Variants in DCDC1 observed in about 807,000 individuals in gnomAD.
The protein encoded by DCDC1 is doublecortin domain containing 1, also known as doublecortin domain-containing protein 1.
In DCDC1, 200 loss-of-function variants were observed where a neutral mutation model predicts 178.3. The ratio of observed to expected loss-of-function variants is 1.12; its 90% confidence interval spans 1.00 to 1.26. The LOEUF is 1.26. Ranked by LOEUF, DCDC1 falls within the 50% of genes most tolerant of loss-of-function variation. The probability of loss-of-function intolerance (pLI) is 0.00; values close to 1 mark genes in which losing one functional copy is unlikely to be tolerated. For synonymous variants in DCDC1, 690 were observed against 604.8 expected, an observed-to-expected ratio of 1.14 and a Z score of -2.07; for missense variants, 1,983 against 1,749.2, an observed-to-expected ratio of 1.13 and a Z score of -2.38.
chr11:30,869,518 G>A (rs1941336673), intron 38 of DCDC1, among the ~76,000 whole-genome samples: 1 of 152,158 alleles, frequency 6.6e-6, no homozygotes, highest in Admixed American at 6.5e-5. Context: ...ACACAATTCT[G>A]AACACCCTAC....
intron 1 of DCDC1, among the ~76,000 whole-genome samples, chr11:31,338,168 T>C (rs1950365252): frequency 2.6e-5 from 4 of 152,280 alleles, no homozygotes; most frequent in African/African-American, 9.6e-5. Context: ...AAAGGAACTT[T>C]TACAATTCCT....
At chr11:30,939,733 G>A (rs558621726) in intron 21 of DCDC1, among the ~76,000 whole-genome samples, 1 of 152,262 alleles carries the variant, frequency 6.6e-6, no homozygotes, top group South Asian at 2.1e-4. Flanking sequence ...AGGTACATGA[G>A]CTGAGCAGTT....
intron 9 of DCDC1, among the ~76,000 whole-genome samples, chr11:31,213,306 ATCATTGGTAAG>A (rs1488701535): frequency 6.6e-6 from 1 of 151,674 alleles, no homozygotes; most frequent in African/African-American, 2.4e-5. Context: ...ATTTAGCCTT[ATCATTGGTAAG>A]TAGAGACTGG....
At chr11:31,327,354 G>C (rs1412106699) in intron 3 of DCDC1, among the ~76,000 whole-genome samples, 1 of 151,998 alleles carries the variant, frequency 6.6e-6, no homozygotes, top group Non-Finnish European at 1.5e-5. Context: ...ATTTTCAGTA[G>C]AGATGGGGTT....
At chr11:31,186,057 GC>G (rs1399244123) in intron 9 of DCDC1, among the ~76,000 whole-genome samples, 2 of 152,104 alleles carry the variant, frequency 1.3e-5, no homozygotes, top group African/African-American at 4.8e-5. Flanking sequence ...CCCCAGAAGA[GC>G]CAGGGAGACC....
chr11:30,958,303 GA>G (rs1303537065), intron 20 of DCDC1, among the ~76,000 whole-genome samples: 2 of 152,142 alleles, frequency 1.3e-5, no homozygotes, highest in Non-Finnish European at 2.9e-5. Flanking sequence ...ATGCCTACCA[GA>G]GAGCATCTAT....
chr11:31,237,812 C>G (rs532706029), intron 9 of DCDC1, among the ~76,000 whole-genome samples: 1 of 152,008 alleles, frequency 6.6e-6, no homozygotes, highest in Non-Finnish European at 1.5e-5. Flanking sequence ...ATCAAACAAT[C>G]ATTTTATTCC....
intron 8 of DCDC1, among the ~76,000 whole-genome samples, chr11:31,252,215 C>A (rs1300300239): frequency 6.6e-6 from 1 of 152,084 alleles, no homozygotes; most frequent in Non-Finnish European, 1.5e-5. Flanking sequence ...TTTATAATAA[C>A]TTGGACAAGG....
Position 30,918,046 on chromosome 11 carries a change from T to TAA in DCDC1, c.3294-1020_3294-1019dup, listed in dbSNP as rs144914353. Among the ~76,000 whole-genome samples the TAA allele has an allele frequency of 4.4e-3, 669 of 151,302 alleles. 3 individuals are homozygous for TAA. Among genetic ancestry groups the TAA allele is most frequent in the South Asian group, 9.2e-3 (44 of 4,782 alleles). On this transcript the variant is annotated intron_variant, in intron 25 of 38. Transcript: ENST00000684477. ...GAAGGCAAACCTCTCCCTTTACAGTTAAAAAAAACAACAGCGCCATCTTGT... is the reference window on the plus strand; with the variant it reads ...GAAGGCAAACCTCTCCCTTTACAGTTAAAAAAAAAACAACAGCGCCATCTTGT...
chr11:30,934,884 C>G (rs1273211893), intron 21 of DCDC1, among the ~76,000 whole-genome samples: 1 of 152,174 alleles, frequency 6.6e-6, no homozygotes, highest in Non-Finnish European at 1.5e-5. Flanking sequence ...AATCCTTTAC[C>G]TCAATTGTTT....
rs1961829575 is a variant in DCDC1 at position 31,127,625 on chromosome 11, A to G, written c.1329T>C (p.Ile443=). The change falls in exon 11 of 39, where the codon ATT becomes ATC. Residue 443 remains isoleucine, a synonymous_variant. Coordinates refer to ENST00000684477, the MANE Select transcript of DCDC1 (RefSeq NM_001387274.1). The part of the protein sequence containing the change: ...HKEQEEVSRL[I]DELQTAIKSN... ...TTTTGATAGCTGTCTGCAATTCATC[A>G]ATCAGCCTGCTCACCTGAAGGGGTT... The G allele has an allele frequency of 4.3e-6, 3 of 702,406 alleles. No individual in the cohort carries two copies. The highest frequency in any genetic ancestry group is 7.8e-6 in the Non-Finnish European group (3 of 384,680). 43.5% of individuals were successfully genotyped at this position (702,406 alleles called of 1,614,324 possible). A position where few individuals can be genotyped will look rare whatever the true frequency, so the allele number is the denominator to read the frequency against.
chr11:31,338,278 T>C (rs765641008), intron 1 of DCDC1, among the ~76,000 whole-genome samples: 2 of 152,202 alleles, frequency 1.3e-5, no homozygotes, highest in Non-Finnish European at 2.9e-5. Context: ...TTAGGTGTGA[T>C]GTGGCAAATG....
intron 20 of DCDC1, among the ~76,000 whole-genome samples, chr11:30,970,030 C>A (rs1441209238): frequency 6.6e-6 from 1 of 151,992 alleles, no homozygotes; most frequent in Non-Finnish European, 1.5e-5. Context: ...ACAGAAAACA[C>A]CAAAAGCAAG....
At chr11:30,992,937 G>A (rs1951071053) in intron 20 of DCDC1, among the ~76,000 whole-genome samples, 2 of 151,984 alleles carry the variant, frequency 1.3e-5, no homozygotes, top group African/African-American at 4.8e-5. Flanking sequence ...TACAGCTTGT[G>A]GTAAACTCAA....
At chr11:31,329,866 A>G (rs923595924) in intron 2 of DCDC1, among the ~76,000 whole-genome samples, 3 of 152,150 alleles carry the variant, frequency 2.0e-5, no homozygotes, top group Non-Finnish European at 4.4e-5. Context: ...ACATACGTGT[A>G]CATGTGTCTT....
intron 27 of DCDC1, among the ~76,000 whole-genome samples, chr11:30,912,950 C>T (rs2134186681): frequency 6.6e-6 from 1 of 152,266 alleles, no homozygotes; most frequent in South Asian, 2.1e-4. Context: ...CTAGGTTTCA[C>T]CAGCTCATCA....
chr11:30,877,330 G>A (rs1254051143), intron 38 of DCDC1, among the ~76,000 whole-genome samples: 2 of 152,118 alleles, frequency 1.3e-5, no homozygotes, highest in Non-Finnish European at 2.9e-5. Context: ...TTCATACAGA[G>A]TTGTGAGTGG....
chr11:30,892,772 G>T (rs928059820), intron 36 of DCDC1, 46 bp downstream of exon 36: 10 of 1,604,546 alleles, frequency 6.2e-6, no homozygotes, highest in African/African-American at 1.3e-5. Flanking sequence ...TCAGAGCTGG[G>T]ATTCAAACTC....
intron 7 of DCDC1, among the ~76,000 whole-genome samples, chr11:31,283,248 C>T (rs1161388260): frequency 6.6e-6 from 1 of 152,174 alleles, no homozygotes; most frequent in African/African-American, 2.4e-5. Context: ...ACACTCAGTC[C>T]TTGCTTTCAG....
Sources: gnomAD v4.1 joint callset for allele counts (sites outside exome capture counted in the v4.1 genomes callset) on GRCh38, gnomAD v4.1.1 for gene constraint, MANE v1.5 for transcripts, NCBI Gene and HGNC (gene_info 2026-07-23, HGNC 2026-07-21) for gene names.